CHST11: variants seen among roughly 807,000 people sequenced by gnomAD.
CHST11 encodes carbohydrate sulfotransferase 11, also known as C4S-1.
A neutral mutation model predicts 30.4 loss-of-function variants in CHST11; 9 were observed. The observed-to-expected ratio is 0.30, with a 90% CI of 0.18 to 0.52. CHST11 has a LOEUF of 0.52. Ranked by LOEUF, CHST11 falls within the 20% of genes least tolerant of loss-of-function variation. CHST11 has a pLI of 0.97. For synonymous variants in CHST11, 152 were observed against 187.8 expected, an observed-to-expected ratio of 0.81 and a Z score of 1.56; for missense variants, 348 against 460.6, an observed-to-expected ratio of 0.76 and a Z score of 2.24.
rs563192153 is a variant in CHST11, at chr12:104,526,853, G to A, written c.118+69324G>A. On this transcript the variant is annotated intron_variant, in intron 1 of 2. Transcript: ENST00000303694. ...CCCACAGGGGATGGCAGGGATTTGC[G>A]GTGAATAATAAGGGGTTGAGTCTTG... Among the ~76,000 whole-genome samples, 31 of 152,280 alleles carry A rather than the reference G, an allele frequency of 2.0e-4. No individual in the cohort carries two copies. The South Asian group carries it at 3.5e-3, about 17-fold the overall frequency.
At chr12:104,719,856 G>A (rs1345658286) in intron 2 of CHST11, among the ~76,000 whole-genome samples, 2 of 152,190 alleles carry the variant, frequency 1.3e-5, no homozygotes, top group Non-Finnish European at 2.9e-5. Flanking sequence ...ATGCCCCAGG[G>A]AACACTGTGT....
At chr12:104,713,299 T>C (rs1026029047) in intron 2 of CHST11, among the ~76,000 whole-genome samples, 2 of 152,068 alleles carry the variant, frequency 1.3e-5, no homozygotes, top group Non-Finnish European at 2.9e-5. Context: ...ATGACATGAC[T>C]GTCTCCCACT....
intron 1 of CHST11, among the ~76,000 whole-genome samples, chr12:104,545,334 G>C (rs1273613665): frequency 6.6e-6 from 1 of 152,224 alleles, no homozygotes; most frequent in Non-Finnish European, 1.5e-5. Flanking sequence ...GGGCTTTATT[G>C]ACATCAGGTG....
At chr12:104,750,473 G>A (rs1235109176) in intron 2 of CHST11, among the ~76,000 whole-genome samples, 10 of 69,364 alleles carry the variant, frequency 1.4e-4, no homozygotes, top group African/African-American at 4.9e-4. Context: ...ACTGAGTCTC[G>A]CTCTGTCACC....
intron 1 of CHST11, chr12:104,553,026 C>T (rs972497941): frequency 1.3e-5 from 2 of 152,104 alleles, no homozygotes; most frequent in Non-Finnish European, 2.9e-5. Flanking sequence ...AAGGAGTAGA[C>T]CCCAGGCTGT....
At chr12:104,705,306 C>A (rs2136116208) in intron 2 of CHST11, among the ~76,000 whole-genome samples, 1 of 152,216 alleles carries the variant, frequency 6.6e-6, no homozygotes, top group East Asian at 1.9e-4. Context: ...CCTGTGTTGC[C>A]TTCACCTCTC....
chr12:104,663,508 AT>A (rs1487864761), intron 2 of CHST11, among the ~76,000 whole-genome samples: 3 of 151,618 alleles, frequency 2.0e-5, no homozygotes, highest in Non-Finnish European at 2.9e-5. Flanking sequence ...TCATGTTTGT[AT>A]TTTTTAAAAA....
chr12:104,702,890 C>T (rs929960980), intron 2 of CHST11, among the ~76,000 whole-genome samples: 4 of 152,166 alleles, frequency 2.6e-5, no homozygotes, highest in African/African-American at 9.7e-5. Context: ...TCGAGCCTGG[C>T]GCCCTTTGCA....
intron 2 of CHST11, among the ~76,000 whole-genome samples, chr12:104,706,340 C>T (rs572389108): frequency 3.0e-4 from 46 of 151,498 alleles, no homozygotes; most frequent in Admixed American, 9.2e-4. Context: ...GCCGAGATTG[C>T]ACCACTGCAC....
rs779155570 is a variant in CHST11 at position 104,757,651 on chromosome 12, A to C, written c.907A>C (p.Thr303Pro). 6 of 1,614,100 alleles carry C rather than the reference A, an allele frequency of 3.7e-6. No individual in the cohort carries two copies. Among genetic ancestry groups the C allele is most frequent in the Non-Finnish European group, 5.1e-6 (6 of 1,180,028 alleles). The part of the protein sequence containing the change: ...AGVGSYLKFP[T>P]YAKSTRTTDE... ...AGTGGGCAGCTACCTGAAGTTCCCC[A>C]CCTATGCAAAGTCTACGAGAACTAC... Residue 303 changes from threonine (T) to proline (P), a missense_variant, in exon 3 of 3, where the codon ACC becomes CCC. By Grantham distance (38) the Thr-to-Pro change is conservative. Coordinates refer to ENST00000303694, the MANE Select transcript of CHST11 (RefSeq NM_018413.6). The surrounding 1 kb of genome is among the most constrained non-coding windows in gnomAD (Gnocchi z 6.5).
At chr12:104,483,658 G>A (rs979485007) in intron 1 of CHST11, among the ~76,000 whole-genome samples, 2 of 152,214 alleles carry the variant, frequency 1.3e-5, no homozygotes, top group African/African-American at 4.8e-5. Flanking sequence ...TTTGGTTCCT[G>A]CTTTTGGAGA....
At chr12:104,738,925 C>T (rs1168615166) in intron 2 of CHST11, among the ~76,000 whole-genome samples, 5 of 152,260 alleles carry the variant, frequency 3.3e-5, no homozygotes, top group African/African-American at 1.2e-4. Context: ...AGTCACTGGA[C>T]TGATTCAGGC....
intron 1 of CHST11, among the ~76,000 whole-genome samples, chr12:104,475,008 A>G (rs1005255765): frequency 2.7e-4 from 41 of 152,158 alleles, no homozygotes; most frequent in African/African-American, 8.9e-4. Flanking sequence ...TCAGGGCTAA[A>G]ACCAACAATT....
At chr12:104,547,973 G>A (rs922615911) in intron 1 of CHST11, among the ~76,000 whole-genome samples, 1 of 152,192 alleles carries the variant, frequency 6.6e-6, no homozygotes, top group Non-Finnish European at 1.5e-5. Context: ...GGATGAGGGG[G>A]TGAAGCTGTT....
chr12:104,748,139 G>C (rs1475814547), intron 2 of CHST11, among the ~76,000 whole-genome samples: 1 of 152,212 alleles, frequency 6.6e-6, no homozygotes, highest in African/African-American at 2.4e-5. Context: ...ATCAAAGCGA[G>C]ATGAAGGGAG....
At chr12:104,646,800 A>G (rs762179936) in intron 2 of CHST11, among the ~76,000 whole-genome samples, 5 of 152,240 alleles carry the variant, frequency 3.3e-5, no homozygotes, top group Non-Finnish European at 7.3e-5. Context: ...GCGCTGAATC[A>G]TCAGAGCCTA....
chr12:104,740,907 G>T (rs2040341503), intron 2 of CHST11, among the ~76,000 whole-genome samples: 1 of 152,232 alleles, frequency 6.6e-6, no homozygotes, highest in Admixed American at 6.5e-5. Flanking sequence ...CTCCACGATG[G>T]TCTTCCTGTT....
intron 1 of CHST11, among the ~76,000 whole-genome samples, chr12:104,467,371 C>A (rs889705368): frequency 6.6e-6 from 1 of 152,166 alleles, no homozygotes; most frequent in African/African-American, 2.4e-5. Context: ...TCCCGGACCC[C>A]TTTTGTGGCA....
intron 1 of CHST11, among the ~76,000 whole-genome samples, chr12:104,467,306 A>G (rs2135951836): frequency 6.6e-6 from 1 of 152,332 alleles, no homozygotes; most frequent in South Asian, 2.1e-4. Context: ...AGGTTAACTG[A>G]AAATGGAAGG....
Sources: allele counts gnomAD v4.1 joint callset (sites outside exome capture counted in the v4.1 genomes callset), GRCh38; gene constraint gnomAD v4.1.1; non-coding constraint Gnocchi (gnomAD v3.1); transcripts MANE v1.5; gene names NCBI Gene and HGNC (gene_info 2026-07-23, HGNC 2026-07-21).